Variants in NTM observed in about 807,000 individuals in gnomAD.
NTM encodes IgLON family member 2.
A neutral mutation model predicts 42.1 loss-of-function variants in NTM; 13 were observed. The observed-to-expected ratio is 0.31, with a 90% CI of 0.20 to 0.49. The LOEUF (loss-of-function observed/expected upper bound fraction) is 0.49. NTM is among the 20% of genes least tolerant of loss of function. The pLI is 0.99. For missense variants in NTM, 373 were observed against 452.8 expected, an observed-to-expected ratio of 0.82 and a Z score of 1.60; for synonymous variants, 187 against 179.2, an observed-to-expected ratio of 1.04 and a Z score of -0.35.
At chr11:132,275,879 A>C (rs1398123434) in intron 4 of NTM, among the ~76,000 whole-genome samples, 1 of 151,370 alleles carries the variant, frequency 6.6e-6, no homozygotes, top group Non-Finnish European at 1.5e-5. Context: ...GTAATATATA[A>C]TATTTTACTG....
At chr11:132,114,302 C>G (rs1216943130) in intron 2 of NTM, among the ~76,000 whole-genome samples, 3 of 152,160 alleles carry the variant, frequency 2.0e-5, no homozygotes, top group Non-Finnish European at 2.9e-5. Flanking sequence ...GAACACTTTT[C>G]TGCCCCTATG....
intron 7 of NTM, among the ~76,000 whole-genome samples, chr11:132,316,102 G>A (rs529738317): frequency 5.3e-5 from 8 of 151,774 alleles, no homozygotes; most frequent in African/African-American, 1.9e-4. Context: ...CATCCTCACA[G>A]GGGTAGTCTT....
intron 2 of NTM, among the ~76,000 whole-genome samples, chr11:131,995,905 G>T (rs1393064574): frequency 1.3e-5 from 2 of 152,110 alleles, no homozygotes; most frequent in African/African-American, 4.8e-5. Flanking sequence ...TGAATGAGGG[G>T]TCTGGCATCT....
intron 1 of NTM, among the ~76,000 whole-genome samples, chr11:131,712,953 G>A (rs2135318903): frequency 6.6e-6 from 1 of 152,260 alleles, no homozygotes; most frequent in East Asian, 1.9e-4. Context: ...GGAAGAAGTA[G>A]AGAAAAGAAA....
At chr11:132,093,153 A>G (rs1391534703) in intron 2 of NTM, among the ~76,000 whole-genome samples, 1 of 152,090 alleles carries the variant, frequency 6.6e-6, no homozygotes. Context: ...GATGTCTTAC[A>G]TGTTTCATTT....
chr11:131,844,059 T>C (rs1247823115), intron 1 of NTM, among the ~76,000 whole-genome samples: 2 of 152,190 alleles, frequency 1.3e-5, no homozygotes, highest in Non-Finnish European at 2.9e-5. Context: ...TTGATGAGTT[T>C]GTGGATGTGT....
chr11:131,377,711 T>C (rs1942153074), intron 1 of NTM, among the ~76,000 whole-genome samples: 1 of 152,242 alleles, frequency 6.6e-6, no homozygotes, highest in Non-Finnish European at 1.5e-5. Flanking sequence ...CACACCCATC[T>C]TCTTTCAATC....
At chr11:132,129,921 C>T (rs1204008546) in intron 2 of NTM, among the ~76,000 whole-genome samples, 1 of 152,162 alleles carries the variant, frequency 6.6e-6, no homozygotes, top group African/African-American at 2.4e-5. Context: ...TTTTCTTGTG[C>T]AGTTTTGGTC....
intron 2 of NTM, among the ~76,000 whole-genome samples, chr11:132,104,297 G>A (rs949215293): frequency 6.6e-6 from 1 of 152,076 alleles, no homozygotes; most frequent in Non-Finnish European, 1.5e-5. Flanking sequence ...TGAGTGATGA[G>A]ATTATAGGAT....
intron 1 of NTM, among the ~76,000 whole-genome samples, chr11:131,702,569 A>G (rs538007899): frequency 6.6e-6 from 1 of 152,304 alleles, no homozygotes; most frequent in Admixed American, 6.5e-5. Flanking sequence ...GAGGTGCATC[A>G]TGGGATGAAA....
chr11:132,112,173 C>T (rs528232268), intron 2 of NTM, among the ~76,000 whole-genome samples: 1 of 151,632 alleles, frequency 6.6e-6, no homozygotes, highest in Non-Finnish European at 1.5e-5. Flanking sequence ...GTGTGTGACC[C>T]AGGCTAAGAC....
intron 2 of NTM, among the ~76,000 whole-genome samples, chr11:132,073,334 A>G (rs2057948116): frequency 6.6e-6 from 1 of 152,180 alleles, no homozygotes; most frequent in Admixed American, 6.5e-5. Context: ...GTGCCTAGTT[A>G]TCTTTAGGAA....
At chr11:131,911,382 A>G (rs1348474286) in intron 1 of NTM, 182 bp from the exon 2 acceptor site, 8 of 1,572,962 alleles carry the variant, frequency 5.1e-6, no homozygotes, top group Non-Finnish European at 6.9e-6. Context: ...TTCACCGCTC[A>G]GTCCCCGCGC....
chr11:132,044,762 A>T (rs1194711513), intron 2 of NTM, among the ~76,000 whole-genome samples: 1 of 152,190 alleles, frequency 6.6e-6, no homozygotes, highest in Non-Finnish European at 1.5e-5. Context: ...GGGATGAAGG[A>T]AGAACTAGAA....
intron 3 of NTM, among the ~76,000 whole-genome samples, chr11:132,200,051 G>T (rs2080914573): frequency 6.6e-6 from 1 of 152,136 alleles, no homozygotes; most frequent in African/African-American, 2.4e-5. Context: ...CTCTCGCTGA[G>T]AACTTGTAGT....
At chr11:131,728,730 G>T (rs980727989) in intron 1 of NTM, among the ~76,000 whole-genome samples, 5 of 151,712 alleles carry the variant, frequency 3.3e-5, no homozygotes, top group Non-Finnish European at 7.4e-5. Context: ...GCCAATTCGT[G>T]ATCAACTTAA....
chr11:131,654,441 T>A (rs1300131065), intron 1 of NTM, among the ~76,000 whole-genome samples: 2 of 152,012 alleles, frequency 1.3e-5, no homozygotes, highest in Non-Finnish European at 2.9e-5. Context: ...CCGACAGGTT[T>A]TTTTTTTCCG....
chr11:131,567,494 A>G (rs556633258), intron 1 of NTM, among the ~76,000 whole-genome samples: 9 of 152,246 alleles, frequency 5.9e-5, no homozygotes, highest in African/African-American at 2.2e-4. Context: ...TCTGAAAAAA[A>G]AGACCCAAAA....
At chr11:131,854,011 C>T (rs962057221) in intron 1 of NTM, among the ~76,000 whole-genome samples, 3 of 152,304 alleles carry the variant, frequency 2.0e-5, no homozygotes, top group East Asian at 3.9e-4. Context: ...ATTAGAAGGT[C>T]CTGGAGTAGA....
Sources: allele counts gnomAD v4.1 joint callset (sites outside exome capture counted in the v4.1 genomes callset), GRCh38; gene constraint gnomAD v4.1.1; transcripts MANE v1.5; gene names NCBI Gene and HGNC (gene_info 2026-07-23, HGNC 2026-07-21).